Variants in CECR2 observed in about 807,000 individuals in gnomAD.
The protein encoded by CECR2 is chromatin remodeling regulator CECR2.
A neutral mutation model predicts 154.5 loss-of-function variants in CECR2; 30 were observed. The ratio of observed to expected loss-of-function variants is 0.19; its 90% CI spans 0.15 to 0.26. The LOEUF is 0.26. Ranked by LOEUF, CECR2 falls within the 10% of genes least tolerant of loss-of-function variation. CECR2 has a pLI of 1.00. For synonymous variants in CECR2, 725 were observed against 683.7 expected (o/e 1.06, Z -0.94); for missense variants, 1,743 against 1,829.3 (o/e 0.95, Z 0.86).
intron 13 of CECR2, 168 bp downstream of exon 13, chr22:17,539,287 GAT>G (rs1177738232): frequency 1.4e-6 from 1 of 709,218 alleles, no homozygotes; most frequent in Non-Finnish European, 2.3e-6. Flanking sequence ...GTCTGCCAGG[GAT>G]TCTCTCCTGC....
intron 17 of CECR2, among the ~76,000 whole-genome samples, chr22:17,550,049 G>T (rs982608815): frequency 6.6e-6 from 1 of 151,924 alleles, no homozygotes; most frequent in East Asian, 1.9e-4. Flanking sequence ...TAAACTTAGA[G>T]CCCAACTTTA....
intron 2 of CECR2, among the ~76,000 whole-genome samples, chr22:17,479,215 G>T (rs2055263199): frequency 1.3e-5 from 2 of 152,160 alleles, no homozygotes; most frequent in Non-Finnish European, 2.9e-5. Context: ...TTTTAAGCAA[G>T]GCTTAAAGGC....
In CECR2 at chr22:17,409,423, G is replaced by T. The variant is rs1356203456; in HGVS notation, c.126+39514G>T. On this transcript the variant is annotated intron_variant, in intron 1 of 18. Coordinates refer to ENST00000262608, the MANE Select transcript of CECR2 (RefSeq NM_001290047.2). ...AATTTTTGTATTTTTAGTAGAGATG[G>T]GGTTTCACCATGTTGGCCAGGATGG... is the stretch of plus-strand genomic sequence containing the variant. Among the ~76,000 whole-genome samples, 12 of 111,688 alleles carry T rather than the reference G, an allele frequency of 1.1e-4. 1 individual carries two copies. The South Asian group carries it at 2.9e-3, about 27-fold the overall frequency. 73.3% of individuals were successfully genotyped at this position (111,688 alleles called of 152,430 possible). A position where few individuals can be genotyped will look rare whatever the true frequency, so the allele number is the denominator to read the frequency against.
At chr22:17,386,731 A>G (rs999921997) in intron 1 of CECR2, among the ~76,000 whole-genome samples, 51 of 151,476 alleles carry the variant, frequency 3.4e-4, no homozygotes, top group African/African-American at 1.2e-3. Flanking sequence ...GCTCACTGCA[A>G]CCTCCACCTC....
upstream of CECR2, among the ~76,000 whole-genome samples, chr22:17,368,768 C>T (rs570788881): frequency 1.3e-5 from 2 of 152,230 alleles, no homozygotes; most frequent in East Asian, 3.9e-4. Flanking sequence ...GGCGGTCACA[C>T]GTGTCCATTC....
At chr22:17,426,440 T>C (rs1245228038) in intron 1 of CECR2, among the ~76,000 whole-genome samples, 1 of 152,162 alleles carries the variant, frequency 6.6e-6, no homozygotes, top group East Asian at 1.9e-4. Context: ...CACTGCAACC[T>C]CCGCCTCCCA....
In CECR2 at chr22:17,378,118, G is replaced by A. The variant is rs1241541506; in HGVS notation, c.126+8209G>A. ...CCTGCCTCAGCCTCCTGAGTAGCTG[G>A]GACTACAGGTGCCCACCACCACGCC... On this transcript the variant is annotated intron_variant, in intron 1 of 18. Coordinates refer to ENST00000262608, the MANE Select transcript of CECR2 (RefSeq NM_001290047.2). Among the ~76,000 whole-genome samples the A allele has an allele frequency of 4.6e-5, 7 of 151,626 alleles. No homozygotes were observed. In the East Asian group the frequency reaches 1.4e-3, roughly 29 times the overall value.
chr22:17,403,834 T>C (rs1317623101), intron 1 of CECR2, among the ~76,000 whole-genome samples: 1 of 65,790 alleles, frequency 1.5e-5, no homozygotes, highest in Non-Finnish European at 4.1e-5. Flanking sequence ...GAAGTTTTAT[T>C]GTTTTAGATT....
intron 1 of CECR2, among the ~76,000 whole-genome samples, chr22:17,408,832 C>T (rs2054024086): frequency 6.6e-6 from 1 of 152,204 alleles, no homozygotes; most frequent in Non-Finnish European, 1.5e-5. Flanking sequence ...GCATAAAGCC[C>T]TCCAGTGGCT....
chr22:17,464,508 G>C (rs2054994103), intron 1 of CECR2, among the ~76,000 whole-genome samples: 1 of 151,282 alleles, frequency 6.6e-6, no homozygotes, highest in Non-Finnish European at 1.5e-5. Context: ...TTTTTCTTTT[G>C]AGGCAAGGTC....
chr22:17,552,967 T>G lies in CECR2; in HGVS notation c.*127T>G, dbSNP rs927483301. 2.0e-6 allele frequency: 3 copies of G among 1,495,092 alleles called. No homozygotes were observed. Among genetic ancestry groups the G allele is most frequent in the Non-Finnish European group, 1.8e-6 (2 of 1,124,650 alleles). 92.6% of individuals were successfully genotyped at this position (1,495,092 alleles called of 1,614,324 possible). On this transcript the variant is annotated 3_prime_UTR_variant, in exon 19 of 19. Transcript: ENST00000262608. ...CCACCCCTTCACGGCGACCCACTCG[T>G]GCCATACTTGAGCTGGAGCCAGTCA...
At chr22:17,486,472 A>C (rs1332220250) in intron 2 of CECR2, among the ~76,000 whole-genome samples, 2 of 152,212 alleles carry the variant, frequency 1.3e-5, no homozygotes, top group Non-Finnish European at 2.9e-5. Flanking sequence ...TGTCAGTCAC[A>C]TGCTAGTGTT....
At chr22:17,426,356 A>AC (rs1250231823) in intron 1 of CECR2, among the ~76,000 whole-genome samples, 50 of 151,942 alleles carry the variant, frequency 3.3e-4, no homozygotes, top group African/African-American at 1.1e-3. Context: ...CTATTCTTTT[A>AC]ATTTTTTTTT....
chr22:17,360,534 T>G (rs9619092), intron 1 of CECR2, among the ~76,000 whole-genome samples: 7,250 of 152,068 alleles, frequency 0.048, 565 homozygotes, highest in African/African-American at 0.17. Context: ...ATACAAAAAT[T>G]TAGCCAAGCA....
At chr22:17,497,292 T>C (rs890000177) in intron 2 of CECR2, 111 bp from the exon 3 acceptor site, 10 of 1,166,794 alleles carry the variant, frequency 8.6e-6, no homozygotes, top group African/African-American at 1.6e-5. Flanking sequence ...CCTGTCTGTA[T>C]AAAAACAAAA....
intron 1 of CECR2, among the ~76,000 whole-genome samples, chr22:17,452,464 A>G (rs1308546434): frequency 6.6e-6 from 1 of 152,158 alleles, no homozygotes; most frequent in Non-Finnish European, 1.5e-5. Context: ...GAGGGAGAAT[A>G]GGGGAAAAAA....
At chr22:17,438,654 A>G (rs2054541483) in intron 1 of CECR2, among the ~76,000 whole-genome samples, 1 of 151,728 alleles carries the variant, frequency 6.6e-6, no homozygotes, top group East Asian at 1.9e-4. Flanking sequence ...AAAGCTCATC[A>G]GGTATCATTA....
chr22:17,363,624 T>C (rs570910944), intron 1 of CECR2, among the ~76,000 whole-genome samples: 1 of 152,278 alleles, frequency 6.6e-6, no homozygotes, highest in South Asian at 2.1e-4. Flanking sequence ...ATTACAGGCA[T>C]GAGCCACCAT....
At chr22:17,429,650 A>G (rs1370041530) in intron 1 of CECR2, among the ~76,000 whole-genome samples, 1 of 152,168 alleles carries the variant, frequency 6.6e-6, no homozygotes, top group Non-Finnish European at 1.5e-5. Context: ...TGACTTATGG[A>G]AGATAAAAAG....
Sources: allele counts gnomAD v4.1 joint callset (sites outside exome capture counted in the v4.1 genomes callset), GRCh38; gene constraint gnomAD v4.1.1; transcripts MANE v1.5; gene names NCBI Gene and HGNC (gene_info 2026-07-23, HGNC 2026-07-21).